SYT1: variants seen among roughly 807,000 people sequenced by gnomAD.
SYT1 encodes the protein synaptotagmin 1.
SYT1 carries 8 observed loss-of-function variants against 44.8 expected under a neutral mutation model. The observed-to-expected ratio is 0.18, with a 90% CI of 0.10 to 0.32. The LOEUF is 0.32. SYT1 is among the 10% of genes least tolerant of loss of function. The pLI is 1.00. For missense variants in SYT1, 286 were observed against 509.3 expected (o/e 0.56, Z 4.22); for synonymous variants, 154 against 188.8 (o/e 0.82, Z 1.51).
Position 78,897,536 on chromosome 12 carries a change from G to T in SYT1, c.-217+32427G>T, listed in dbSNP as rs546762424. Among the ~76,000 whole-genome samples the T allele has an allele frequency of 2.6e-5, 4 of 152,084 alleles. 1 individual carries two copies. The South Asian group carries it at 8.3e-4, about 32-fold the overall frequency. ...GACTGTTGTACAGAGACATATGTGA[G>T]ACTTTATCCTGATCCTTTAAAATGA... On this transcript the variant is annotated intron_variant, in intron 1 of 10. Transcript: ENST00000261205.
chr12:79,415,421 C>G (rs1208753500), intron 9 of SYT1, among the ~76,000 whole-genome samples: 1 of 152,226 alleles, frequency 6.6e-6, no homozygotes, highest in Non-Finnish European at 1.5e-5. Context: ...AGCTCCATTG[C>G]AAAACACTTA....
intron 1 of SYT1, among the ~76,000 whole-genome samples, chr12:78,905,169 A>G (rs546681891): frequency 6.6e-6 from 1 of 152,308 alleles, no homozygotes; most frequent in South Asian, 2.1e-4. Flanking sequence ...GTGGGCCAGA[A>G]AAGTTTATCA....
At chr12:78,893,949 G>A (rs1325008917) in intron 1 of SYT1, among the ~76,000 whole-genome samples, 1 of 151,658 alleles carries the variant, frequency 6.6e-6, no homozygotes, top group Non-Finnish European at 1.5e-5. Flanking sequence ...GAATGAGGAG[G>A]CTAGCAATGG....
chr12:78,952,726 T>C (rs1182925896), intron 1 of SYT1, among the ~76,000 whole-genome samples: 1 of 152,144 alleles, frequency 6.6e-6, no homozygotes, highest in African/African-American at 2.4e-5. Context: ...ATGACCACTA[T>C]GTAAATTCTG....
At chr12:79,439,293 A>T (rs927897446) in intron 9 of SYT1, among the ~76,000 whole-genome samples, 1 of 152,210 alleles carries the variant, frequency 6.6e-6, no homozygotes, top group African/African-American at 2.4e-5. Context: ...GATGTCAGGA[A>T]CAGGAGCAAA....
intron 3 of SYT1, among the ~76,000 whole-genome samples, chr12:79,214,931 ATGTGTGTATATG>A (rs1298074997): frequency 1.0e-4 from 10 of 99,218 alleles, no homozygotes; most frequent in African/African-American, 5.1e-4. Context: ...GCCTGTAATA[ATGTGTGTATATG>A]TGTGTGTGTG....
intron 8 of SYT1, among the ~76,000 whole-genome samples, chr12:79,343,525 G>A (rs1308724796): frequency 1.3e-5 from 2 of 152,166 alleles, no homozygotes; most frequent in African/African-American, 4.8e-5. Context: ...GGCTTAGTAG[G>A]TAATAAGAAG....
chr12:79,027,667 T>G (rs988023010), intron 2 of SYT1, among the ~76,000 whole-genome samples: 17 of 151,476 alleles, frequency 1.1e-4, no homozygotes, highest in Admixed American at 4.6e-4. Context: ...AAAATTCATT[T>G]TTTTCCCAAA....
intron 2 of SYT1, among the ~76,000 whole-genome samples, chr12:79,029,525 A>T (rs1248541266): frequency 6.6e-6 from 1 of 151,178 alleles, no homozygotes. Flanking sequence ...GGATTCAGAA[A>T]TATTTGCAAC....
At chr12:79,232,460 G>A (rs1875926026) in intron 4 of SYT1, among the ~76,000 whole-genome samples, 1 of 152,126 alleles carries the variant, frequency 6.6e-6, no homozygotes, top group African/African-American at 2.4e-5. Flanking sequence ...ATTATCCATA[G>A]TTTTTCTTTC....
At chr12:79,201,117 A>G (rs186348752) in intron 3 of SYT1, among the ~76,000 whole-genome samples, 142 of 152,132 alleles carry the variant, frequency 9.3e-4, no homozygotes, top group African/African-American at 3.3e-3. Context: ...GCTTATAGTA[A>G]CGTTCCTAGG....
intron 1 of SYT1, among the ~76,000 whole-genome samples, chr12:78,889,688 A>T (rs975853353): frequency 5.9e-5 from 9 of 151,932 alleles, no homozygotes; most frequent in Non-Finnish European, 1.2e-4. Flanking sequence ...AGGTTATTGA[A>T]CATGTGAGAT....
chr12:78,962,281 A>G (rs1879545517), intron 1 of SYT1, among the ~76,000 whole-genome samples: 2 of 151,852 alleles, frequency 1.3e-5, no homozygotes. Flanking sequence ...ATACGAGGTA[A>G]AGTATTTTGA....
chr12:79,086,543 G>C (rs1415326455), intron 3 of SYT1, among the ~76,000 whole-genome samples: 1 of 152,150 alleles, frequency 6.6e-6, no homozygotes, highest in Non-Finnish European at 1.5e-5. Flanking sequence ...TTTAGTGGTT[G>C]AATCATTCCT....
At chr12:79,102,084 A>G (rs1440158219) in intron 3 of SYT1, among the ~76,000 whole-genome samples, 1 of 152,124 alleles carries the variant, frequency 6.6e-6, no homozygotes, top group Non-Finnish European at 1.5e-5. Flanking sequence ...CCTTGCATTT[A>G]TCGCCTCCTA....
At chr12:79,178,739 C>G (rs1052873128) in intron 3 of SYT1, among the ~76,000 whole-genome samples, 1 of 151,260 alleles carries the variant, frequency 6.6e-6, no homozygotes, top group Non-Finnish European at 1.5e-5. Flanking sequence ...TATATCACAT[C>G]TCCCACTGTC....
At position 79,206,257 on chromosome 12, in the gene SYT1, T is replaced by C. The variant is rs774672317; in HGVS notation, c.-17-11246T>C. Reference sequence around the variant, plus strand: ...TTTCAGATACCATTTCTGCAAATATTGCTTTACTGTTGCCTCCAAAATCTT... The same window carrying C: ...TTTCAGATACCATTTCTGCAAATATCGCTTTACTGTTGCCTCCAAAATCTT... On this transcript the variant is annotated intron_variant, in intron 3 of 10. Transcript: ENST00000261205. Among the ~76,000 whole-genome samples, 3 of 152,344 alleles carry C rather than the reference T, an allele frequency of 2.0e-5. No individual in the cohort carries two copies. In the South Asian group the frequency reaches 6.2e-4, roughly 32 times the overall value.
intron 9 of SYT1, among the ~76,000 whole-genome samples, chr12:79,380,268 C>G (rs1206227441): frequency 6.6e-6 from 1 of 152,172 alleles, no homozygotes; most frequent in African/African-American, 2.4e-5. Flanking sequence ...CTCTGAAAAA[C>G]AAGTCCCAGA....
intron 2 of SYT1, among the ~76,000 whole-genome samples, chr12:79,019,033 A>T (rs1872001578): frequency 6.6e-6 from 1 of 152,024 alleles, no homozygotes. Context: ...AAAGTAGTAC[A>T]TGTGTCCATT....
Sources: allele counts gnomAD v4.1 joint callset (sites outside exome capture counted in the v4.1 genomes callset), GRCh38; gene constraint gnomAD v4.1.1; transcripts MANE v1.5; gene names NCBI Gene and HGNC (gene_info 2026-07-23, HGNC 2026-07-21).